WWOX: variants seen among roughly 807,000 people sequenced by gnomAD.
WWOX encodes the protein WW domain-containing oxidoreductase.
In WWOX, 69 loss-of-function variants were observed where a neutral mutation model predicts 46.2. That is an observed-to-expected ratio of 1.49 (90% CI 1.23 to 1.82). WWOX has a LOEUF of 1.82. Ranked by LOEUF, WWOX falls within the 40% of genes most tolerant of loss-of-function variation. The pLI is 0.00. For synonymous variants in WWOX, 359 were observed against 202.6 expected, an observed-to-expected ratio of 1.77 and a Z score of -6.56; for missense variants, 919 against 542.6, an observed-to-expected ratio of 1.69 and a Z score of -6.89.
chr16:79,109,820 G>T (rs1000733404), intron 8 of WWOX, among the ~76,000 whole-genome samples: 1 of 152,170 alleles, frequency 6.6e-6, no homozygotes, highest in African/African-American at 2.4e-5. Flanking sequence ...CAGGCTCGAT[G>T]ATACCTGCAC....
intron 8 of WWOX, among the ~76,000 whole-genome samples, chr16:78,587,209 T>TTTTTTTTTTTTTTTTTTC (rs2045230188): frequency 7.1e-6 from 1 of 141,258 alleles, no homozygotes; most frequent in African/African-American, 3.0e-5. Flanking sequence ...TTTTTTTTTT[T>TTTTTTTTTTTTTTTTTTC]TTTTTTTGTA....
intron 8 of WWOX, among the ~76,000 whole-genome samples, chr16:78,730,036 T>G (rs148085399): frequency 0.011 from 1,602 of 152,298 alleles, 20 homozygotes; most frequent in Middle Eastern, 0.051. Flanking sequence ...TTATGATAAG[T>G]AACAGTGACT....
At chr16:78,890,283 C>G (rs1015128371) in intron 8 of WWOX, 1 of 152,070 alleles carries the variant, frequency 6.6e-6, no homozygotes. Flanking sequence ...ATAAAAGCCC[C>G]ATTTTCATAT....
intron 1 of WWOX, among the ~76,000 whole-genome samples, chr16:78,103,692 C>G (rs567101150): frequency 6.6e-6 from 1 of 152,220 alleles, no homozygotes; most frequent in Non-Finnish European, 1.5e-5. Flanking sequence ...TTGTTTTTCT[C>G]TTGGGGTTTG....
At chr16:78,117,247 A>G (rs2065283649) in intron 4 of WWOX, among the ~76,000 whole-genome samples, 1 of 152,092 alleles carries the variant, frequency 6.6e-6, no homozygotes. Flanking sequence ...GGTTGTGGCA[A>G]ATTGTAACGC....
chr16:79,077,757 G>T (rs1270133796), intron 8 of WWOX, among the ~76,000 whole-genome samples: 1 of 149,400 alleles, frequency 6.7e-6, no homozygotes. Flanking sequence ...CTTTTGTTTT[G>T]TTATCATTTG....
chr16:78,307,904 G>T (rs187688302), intron 5 of WWOX, among the ~76,000 whole-genome samples: 1 of 152,212 alleles, frequency 6.6e-6, no homozygotes, highest in Admixed American at 6.6e-5. Context: ...CTCTAATTTA[G>T]CACAGTTTCA....
intron 8 of WWOX, among the ~76,000 whole-genome samples, chr16:78,632,321 G>T (rs1412443435): frequency 1.3e-5 from 2 of 152,194 alleles, no homozygotes; most frequent in Non-Finnish European, 1.5e-5. Flanking sequence ...ACGTAGAATA[G>T]TATTTGACAC....
chr16:79,009,144 C>G (rs767232772), intron 8 of WWOX, among the ~76,000 whole-genome samples: 1 of 152,206 alleles, frequency 6.6e-6, no homozygotes, highest in African/African-American at 2.4e-5. Context: ...TGATCATCTT[C>G]CCTGCTAAAA....
chr16:79,099,247 C>A (rs1279347013), intron 8 of WWOX, among the ~76,000 whole-genome samples: 1 of 152,214 alleles, frequency 6.6e-6, no homozygotes, highest in Non-Finnish European at 1.5e-5. Flanking sequence ...CTCCTGACAT[C>A]TTCACACAAG....
intron 8 of WWOX, among the ~76,000 whole-genome samples, chr16:78,747,478 C>A (rs2049376009): frequency 6.6e-6 from 1 of 152,108 alleles, no homozygotes; most frequent in South Asian, 2.1e-4. Context: ...TCATTATGTG[C>A]CAGCGTTCTT....
intron 8 of WWOX, among the ~76,000 whole-genome samples, chr16:79,114,394 C>G (rs754114448): frequency 2.6e-5 from 4 of 151,198 alleles, no homozygotes; most frequent in Non-Finnish European, 4.4e-5. Context: ...ATCTACGTAT[C>G]TACATGTATG....
At chr16:78,720,056 AAAC>A (rs2048654599) in intron 8 of WWOX, among the ~76,000 whole-genome samples, 1 of 152,208 alleles carries the variant, frequency 6.6e-6, no homozygotes. Context: ...TGTTTTCAGA[AAAC>A]AACGATTTCA....
intron 5 of WWOX, among the ~76,000 whole-genome samples, chr16:78,326,484 A>G (rs1183120043): frequency 6.6e-6 from 1 of 151,238 alleles, no homozygotes; most frequent in Non-Finnish European, 1.5e-5. Context: ...AAAGGAATGT[A>G]AATACTAAAA....
intron 8 of WWOX, among the ~76,000 whole-genome samples, chr16:78,952,776 A>G (rs1296300692): frequency 6.6e-6 from 1 of 152,088 alleles, no homozygotes; most frequent in Non-Finnish European, 1.5e-5. Flanking sequence ...ACGTATCCCT[A>G]CTGCCCAGCA....
intron 8 of WWOX, among the ~76,000 whole-genome samples, chr16:79,070,555 G>A (rs567212820): frequency 1.3e-5 from 2 of 152,150 alleles, no homozygotes; most frequent in Admixed American, 1.3e-4. Context: ...AAGCTCCTTG[G>A]CAATGAGTGA....
intron 8 of WWOX, among the ~76,000 whole-genome samples, chr16:78,446,725 T>A (rs4445912): frequency 0.15 from 21,620 of 144,118 alleles, 2,243 homozygotes; most frequent in East Asian, 0.29. Context: ...CAGTGGCATT[T>A]TCTCGGCTCA....
chr16:78,512,200 A>C (rs1309585831), intron 8 of WWOX, among the ~76,000 whole-genome samples: 2 of 152,228 alleles, frequency 1.3e-5, no homozygotes, highest in African/African-American at 4.8e-5. Context: ...CAGAAAAGGA[A>C]AAAGCCATAT....
intron 3 of WWOX, among the ~76,000 whole-genome samples, chr16:78,111,545 C>T (rs552145312): frequency 2.3e-4 from 35 of 152,232 alleles, no homozygotes; most frequent in African/African-American, 7.5e-4. Context: ...GGAAGACACC[C>T]GTTACTTAGC....
Sources: gnomAD v4.1 joint callset for allele counts (sites outside exome capture counted in the v4.1 genomes callset) on GRCh38, gnomAD v4.1.1 for gene constraint, MANE v1.5 for transcripts, NCBI Gene and HGNC (gene_info 2026-07-23, HGNC 2026-07-21) for gene names.